The following IAH1 variants were observed in gnomAD, a reference collection of about 807,000 sequenced individuals.
The protein encoded by IAH1 is isoamyl acetate-hydrolyzing esterase 1 homolog.
Under a neutral mutation model 26.7 loss-of-function variants are expected in IAH1, and 24 were observed. The observed-to-expected ratio is 0.90, with a 90% CI of 0.65 to 1.26. The LOEUF is 1.26. Ranked by LOEUF, IAH1 falls within the 50% of genes most tolerant of loss-of-function variation. The pLI, the probability that IAH1 is intolerant of heterozygous loss-of-function variation, is 0.00. For synonymous variants in IAH1, 140 were observed against 118.5 expected, an observed-to-expected ratio of 1.18 and a Z score of -1.18; for missense variants, 300 against 299.9, an observed-to-expected ratio of 1.00 and a Z score of 0.00.
chr2:9,510,596 G>A, the IAH1 span, among the ~76,000 whole-genome samples: 41 of 151,984 alleles, frequency 2.7e-4, no homozygotes, highest in Admixed American at 4.6e-4. Context: ...CCCAGGGGGC[G>A]GAGGTTGCAG....
At chr2:9,506,118 G>A in the IAH1 span, among the ~76,000 whole-genome samples, 1 of 152,022 alleles carries the variant, frequency 6.6e-6, no homozygotes, top group Non-Finnish European at 1.5e-5. Context: ...GAGGCTTAGG[G>A]AAAACTGAGC....
downstream of IAH1, among the ~76,000 whole-genome samples, chr2:9,491,820 C>T (rs1160315815): frequency 6.6e-6 from 1 of 152,210 alleles, no homozygotes; most frequent in African/African-American, 2.4e-5. Context: ...CAAGCCATGG[C>T]CCTCCCTCCT....
chr2:9,474,401 C>T (rs549998878), upstream of IAH1: 20 of 427,372 alleles, frequency 4.7e-5, no homozygotes, highest in South Asian at 6.9e-4. This position sits in a 1 kb window ranked among gnomAD's most constrained non-coding sequence, Gnocchi z 4.3. Context: ...TGAGCAAGCG[C>T]GGAGGCCGAG....
At chr2:9,505,230 T>C in the IAH1 span, 56 of 1,614,092 alleles carry the variant, frequency 3.5e-5, no homozygotes, top group South Asian at 6.6e-5. Context: ...TTCAGATACA[T>C]GATGCCAGGA....
chr2:9,481,002 A>C, intron 3 of IAH1: 1 of 281,466 alleles, frequency 3.6e-6, no homozygotes, highest in Non-Finnish European at 6.6e-6. Flanking sequence ...TGGGCTCTTT[A>C]ATTTCTTTAC....
chr2:9,511,170 T>C, the IAH1 span, among the ~76,000 whole-genome samples: 3 of 151,940 alleles, frequency 2.0e-5, no homozygotes, highest in Admixed American at 1.3e-4. Flanking sequence ...ACAGTACGGA[T>C]AGGCGCAGTG....
downstream of IAH1, chr2:9,489,745 A>G (rs189060518): frequency 6.8e-6 from 1 of 148,146 alleles, no homozygotes; most frequent in Admixed American, 6.7e-5. Flanking sequence ...AAAAAAAAAA[A>G]AAAACTATTC....
downstream of IAH1, among the ~76,000 whole-genome samples, chr2:9,491,931 T>C (rs1558491523): frequency 1.3e-5 from 2 of 152,274 alleles, no homozygotes. Context: ...GCAATCGTGA[T>C]GGATGGCACT....
chr2:9,492,205 T>C (rs918689280), downstream of IAH1, among the ~76,000 whole-genome samples: 6 of 152,232 alleles, frequency 3.9e-5, no homozygotes, highest in African/African-American at 1.4e-4. Flanking sequence ...AAAACAAGTC[T>C]GGAAGCCTGG....
At chr2:9,478,774 G>C (rs1660975454) in intron 3 of IAH1, among the ~76,000 whole-genome samples, 1 of 152,158 alleles carries the variant, frequency 6.6e-6, no homozygotes, top group African/African-American at 2.4e-5. Flanking sequence ...CCTCAGTTAG[G>C]CTTGAATCCT....
chr2:9,490,283 T>C (rs1191811866), downstream of IAH1: 2 of 1,614,082 alleles, frequency 1.2e-6, no homozygotes, highest in African/African-American at 1.3e-5. Context: ...CTCAAATGAC[T>C]TGGCAGCTGT....
At chr2:9,474,549 G>GCCCCC (rs774279909), upstream of IAH1, 23 of 967,906 alleles carry the variant, frequency 2.4e-5, no homozygotes, top group Non-Finnish European at 2.8e-5. This position sits in a 1 kb window ranked among gnomAD's most constrained non-coding sequence, Gnocchi z 4.3. Context: ...GCCCCGCCCC[G>GCCCCC]CCCCGCCCGG....
downstream of IAH1, among the ~76,000 whole-genome samples, chr2:9,492,595 G>A (rs1662249038): frequency 6.6e-6 from 1 of 152,138 alleles, no homozygotes; most frequent in South Asian, 2.1e-4. Context: ...TCTTCAATAA[G>A]GGCTTTACTC....
chr2:9,478,495 A>G lies in IAH1; in HGVS notation c.283+125A>G, dbSNP rs1660958144. Reference sequence around the variant, plus strand: ...CAATAGATACAGTTTTGCCAAACTTATGTTGTTTATATGTATTCCTGGCTT... The same window carrying G: ...CAATAGATACAGTTTTGCCAAACTTGTGTTGTTTATATGTATTCCTGGCTT... On this transcript the variant is annotated intron_variant, in intron 3 of 5. Coordinates refer to ENST00000497473, the MANE Select transcript of IAH1 (RefSeq NM_001039613.3). The G allele has an allele frequency of 2.9e-5, 26 of 882,838 alleles. 1 individual carries two copies. The South Asian group carries it at 5.0e-4, about 17-fold the overall frequency. The allele number at this position is 882,838 out of a possible 1,614,324, so 54.7% of individuals were successfully genotyped here.
chr2:9,502,211 G>A, the IAH1 span: 6 of 1,614,000 alleles, frequency 3.7e-6, no homozygotes, highest in Middle Eastern at 1.6e-4. Context: ...AGCATTAATC[G>A]CCTCCTGGCA....
intron 3 of IAH1, among the ~76,000 whole-genome samples, chr2:9,479,088 C>T (rs1661000163): frequency 6.6e-6 from 1 of 152,032 alleles, no homozygotes; most frequent in Non-Finnish European, 1.5e-5. Context: ...ACACCAACTG[C>T]AGTAAGAGGA....
chr2:9,476,043 A>G lies in IAH1; in HGVS notation c.134+4A>G. The G allele has an allele frequency of 2.5e-6, 4 of 1,612,622 alleles. No homozygotes were observed. The South Asian group carries it at 3.3e-5, about 13-fold the overall frequency. On this transcript the variant is annotated splice_donor_region_variant and intron_variant, in intron 2 of 5. Coordinates refer to ENST00000497473, the MANE Select transcript of IAH1 (RefSeq NM_001039613.3). ...CGCTGGCTGACAGGCTGGTCAGGTG[A>G]GAATGGTTTCCGATACTTGAGTTCT...
chr2:9,492,833 T>C, downstream of IAH1: 1 of 1,390,250 alleles, frequency 7.2e-7, no homozygotes. Context: ...TTTCCAGAGA[T>C]TACATGGTTG....
the IAH1 span, among the ~76,000 whole-genome samples, chr2:9,510,795 G>A: frequency 7.2e-5 from 11 of 152,278 alleles, no homozygotes; most frequent in Middle Eastern, 6.8e-3. Context: ...TCACACCACT[G>A]CACTCCAGCC....
Sources: gnomAD v4.1 joint callset for allele counts (sites outside exome capture counted in the v4.1 genomes callset) on GRCh38, gnomAD v4.1.1 for gene constraint, Gnocchi (gnomAD v3.1) non-coding constraint, MANE v1.5 for transcripts, NCBI Gene and HGNC (gene_info 2026-07-23, HGNC 2026-07-21) for gene names.